The following ADAMTSL3 variants were observed in gnomAD, a reference collection of about 807,000 sequenced individuals.
ADAMTSL3 encodes the protein ADAMTS like 3, also known as ADAMTS-like protein 3.
A neutral mutation model predicts 201.7 loss-of-function variants in ADAMTSL3; 128 were observed. The ratio of observed to expected loss-of-function variants is 0.63; its 90% CI spans 0.55 to 0.73. The LOEUF (loss-of-function observed/expected upper bound fraction) is 0.73. ADAMTSL3 is among the 30% of genes least tolerant of loss of function. The pLI, the probability that ADAMTSL3 is intolerant of heterozygous loss-of-function variation, is 0.00. For synonymous variants in ADAMTSL3, 738 were observed against 748.4 expected, an observed-to-expected ratio of 0.99 and a Z score of 0.23; for missense variants, 1,990 against 2,119.6, an observed-to-expected ratio of 0.94 and a Z score of 1.20.
At chr15:83,930,652 T>G (rs2066338317) in intron 17 of ADAMTSL3, among the ~76,000 whole-genome samples, 1 of 152,216 alleles carries the variant, frequency 6.6e-6, no homozygotes, top group South Asian at 2.1e-4. Flanking sequence ...TTGGCCACTT[T>G]GCAAAATTAA....
chr15:83,923,994 C>G lies in ADAMTSL3; in HGVS notation c.2078C>G (p.Ala693Gly). 1.2e-5 allele frequency: 19 copies of G among 1,614,148 alleles called. No individual in the cohort carries two copies. Among genetic ancestry groups the G allele is most frequent in the Non-Finnish European group, 1.6e-5 (19 of 1,180,012 alleles). ...TGTGATATGGTCCACCGTCCTCCAG[C>G]CATGAGCCAGGCCTGTAACACAGAG... Reference protein sequence around the residue: ...SLCDMVHRPPAMSQACNTEPC... With the variant: ...SLCDMVHRPPGMSQACNTEPC... The change falls in exon 17 of 30, where the codon GCC becomes GGC. Residue 693 changes from alanine to glycine, a missense_variant. Coordinates refer to ENST00000286744, the MANE Select transcript of ADAMTSL3 (RefSeq NM_207517.3).
At chr15:83,884,825 A>C (rs2065355104) in intron 9 of ADAMTSL3, among the ~76,000 whole-genome samples, 1 of 152,184 alleles carries the variant, frequency 6.6e-6, no homozygotes, top group South Asian at 2.1e-4. Context: ...ACAAACAAAA[A>C]AGTCTACCTA....
intron 19 of ADAMTSL3, among the ~76,000 whole-genome samples, chr15:83,944,251 T>C (rs1047123468): frequency 1.3e-5 from 2 of 152,232 alleles, no homozygotes; most frequent in African/African-American, 4.8e-5. Flanking sequence ...CTCATGGCTC[T>C]CTTACTCCAG....
At chr15:83,996,266 T>C (rs1191573592) in intron 23 of ADAMTSL3, among the ~76,000 whole-genome samples, 2 of 152,236 alleles carry the variant, frequency 1.3e-5, no homozygotes, top group South Asian at 4.1e-4. Context: ...TACAGAGTTA[T>C]ACTTTTAAAG....
intron 3 of ADAMTSL3, among the ~76,000 whole-genome samples, chr15:83,753,927 G>T (rs1009829186): frequency 6.6e-6 from 1 of 152,206 alleles, no homozygotes; most frequent in Non-Finnish European, 1.5e-5. Flanking sequence ...GAAGGTTGAA[G>T]ATTTTAATAA....
intron 15 of ADAMTSL3, among the ~76,000 whole-genome samples, chr15:83,910,256 G>A (rs1029953746): frequency 2.0e-5 from 3 of 151,806 alleles, no homozygotes; most frequent in African/African-American, 7.3e-5. Context: ...AAAGACGTAG[G>A]TAACACAGCC....
At chr15:83,716,344 AACACACACAC>A (rs35902543) in intron 3 of ADAMTSL3, among the ~76,000 whole-genome samples, 1 of 150,044 alleles carries the variant, frequency 6.7e-6, no homozygotes, top group East Asian at 2.0e-4. Flanking sequence ...CTCTACTAAA[AACACACACAC>A]ACACACACAC....
chr15:83,918,696 C>G (rs1012088607), intron 16 of ADAMTSL3, among the ~76,000 whole-genome samples: 1 of 152,144 alleles, frequency 6.6e-6, no homozygotes, highest in South Asian at 2.1e-4. Flanking sequence ...CAATTATGGC[C>G]TTACAGGCTA....
At chr15:83,705,053 G>T (rs1009380946) in intron 3 of ADAMTSL3, among the ~76,000 whole-genome samples, 9 of 152,026 alleles carry the variant, frequency 5.9e-5, no homozygotes, top group Admixed American at 3.3e-4. Flanking sequence ...TGGCTGACAT[G>T]TGTAAGCTGA....
At chr15:83,878,613 C>CA (rs34434953) in intron 9 of ADAMTSL3, among the ~76,000 whole-genome samples, 32 of 147,270 alleles carry the variant, frequency 2.2e-4, no homozygotes, top group Non-Finnish European at 3.5e-4. Context: ...GACGCCATTT[C>CA]AAAAAAAAAA....
In ADAMTSL3 at chr15:84,025,537, G is replaced by A. The variant is rs537879982; in HGVS notation, c.4656+101G>A. On this transcript the variant is annotated intron_variant, in intron 27 of 29. Coordinates refer to ENST00000286744, the MANE Select transcript of ADAMTSL3 (RefSeq NM_207517.3). Reference sequence around the variant, plus strand: ...CAATAAACTACTTTTGGGGCGGGGGGCAGGAATCTGACTGGTCTCTGAAAT... The same window carrying A: ...CAATAAACTACTTTTGGGGCGGGGGACAGGAATCTGACTGGTCTCTGAAAT... The A allele has an allele frequency of 7.1e-6, 8 of 1,131,922 alleles. No individual in the cohort carries two copies. The South Asian group carries it at 1.1e-4, about 16-fold the overall frequency. The allele number at this position is 1,131,922 out of a possible 1,614,324, so 70.1% of individuals were successfully genotyped here. A position where few individuals can be genotyped will look rare whatever the true frequency, so the allele number is the denominator to read the frequency against.
At chr15:83,772,706 C>CT (rs796676516) in intron 3 of ADAMTSL3, among the ~76,000 whole-genome samples, 104,203 of 142,318 alleles carry the variant, frequency 0.73, 38,437 homozygotes, top group East Asian at 0.98. Flanking sequence ...ATGAGCACTT[C>CT]TTTTTTTTTT....
intron 23 of ADAMTSL3, among the ~76,000 whole-genome samples, chr15:83,992,973 T>C (rs1189714519): frequency 6.6e-6 from 1 of 152,214 alleles, no homozygotes; most frequent in Non-Finnish European, 1.5e-5. Context: ...CCATTTGGCC[T>C]TTCTTTATCT....
intron 27 of ADAMTSL3, 132 bp from the exon 28 acceptor site, chr15:84,031,203 C>G (rs913849006): frequency 9.9e-5 from 82 of 826,604 alleles, no homozygotes; most frequent in Non-Finnish European, 1.5e-4. Flanking sequence ...CTCTTTAACT[C>G]CCCCCTGGGG....
At chr15:83,879,628 T>A (rs1347698461) in intron 9 of ADAMTSL3, among the ~76,000 whole-genome samples, 1 of 152,244 alleles carries the variant, frequency 6.6e-6, no homozygotes, top group Non-Finnish European at 1.5e-5. Flanking sequence ...ATTTCAATAT[T>A]TCAAAATTTG....
At chr15:83,655,268 T>G (rs772581642) in intron 1 of ADAMTSL3, among the ~76,000 whole-genome samples, 14 of 152,192 alleles carry the variant, frequency 9.2e-5, no homozygotes, top group Admixed American at 3.9e-4. Context: ...TATCAGAAGA[T>G]CTGCGTTTCA....
At chr15:83,826,811 T>C (rs1397459722) in intron 6 of ADAMTSL3, among the ~76,000 whole-genome samples, 17 of 150,700 alleles carry the variant, frequency 1.1e-4, no homozygotes, top group South Asian at 4.2e-4. Flanking sequence ...GTTTCCAGCT[T>C]CATCCATGTC....
At chr15:83,998,762 G>T (rs571604288) in intron 23 of ADAMTSL3, among the ~76,000 whole-genome samples, 3 of 152,166 alleles carry the variant, frequency 2.0e-5, no homozygotes, top group Admixed American at 2.0e-4. Context: ...AAAAAGGGAT[G>T]AAGAATAAAC....
chr15:84,000,583 A>G (rs941289191), intron 23 of ADAMTSL3, among the ~76,000 whole-genome samples: 2 of 152,208 alleles, frequency 1.3e-5, no homozygotes, highest in African/African-American at 4.8e-5. Flanking sequence ...AGCTATATAG[A>G]CAAAGGAATT....
Sources: allele counts gnomAD v4.1 joint callset (sites outside exome capture counted in the v4.1 genomes callset), GRCh38; gene constraint gnomAD v4.1.1; transcripts MANE v1.5; gene names NCBI Gene and HGNC (gene_info 2026-07-23, HGNC 2026-07-21).